PPP4R4: variants seen among roughly 807,000 people sequenced by gnomAD.
The protein encoded by PPP4R4 is protein phosphatase 4 regulatory subunit 4, also known as serine/threonine-protein phosphatase 4 regulatory subunit 4.
Under a neutral mutation model 121.8 loss-of-function variants are expected in PPP4R4, and 70 were observed. The ratio of observed to expected loss-of-function variants is 0.57; its 90% confidence interval spans 0.47 to 0.70. PPP4R4 has a LOEUF of 0.70. PPP4R4 is among the 30% of genes least tolerant of loss of function. The pLI is 0.00. For synonymous variants in PPP4R4, 348 were observed against 355.7 expected (o/e 0.98, Z 0.24); for missense variants, 875 against 1,033.6 (o/e 0.85, Z 2.10).
chr14:94,201,967 T>TAC (rs1178466260), intron 2 of PPP4R4, among the ~76,000 whole-genome samples: 1 of 151,190 alleles, frequency 6.6e-6, no homozygotes, highest in Non-Finnish European at 1.5e-5. Context: ...TACATATATA[T>TAC]ACACACTCAC....
intron 3 of PPP4R4, among the ~76,000 whole-genome samples, chr14:94,222,807 C>A (rs1201388645): frequency 1.3e-5 from 2 of 151,928 alleles, no homozygotes; most frequent in African/African-American, 4.8e-5. Context: ...TTGGAAAATT[C>A]TCAGGTATCT....
chr14:94,224,006 C>T (rs1891556635), intron 3 of PPP4R4, among the ~76,000 whole-genome samples: 1 of 152,126 alleles, frequency 6.6e-6, no homozygotes, highest in African/African-American at 2.4e-5. Context: ...CCTTAATTTA[C>T]ACTTCTAGTT....
intron 14 of PPP4R4, among the ~76,000 whole-genome samples, chr14:94,249,540 C>G (rs1386709226): frequency 6.6e-6 from 1 of 151,964 alleles, no homozygotes; most frequent in African/African-American, 2.4e-5. Flanking sequence ...AGATTTTTCT[C>G]TAATATATGG....
At position 94,279,133 on chromosome 14, in the gene PPP4R4, C is replaced by G. The variant is rs1331167848; in HGVS notation, c.*490C>G. 1 of 152,508 alleles carries G rather than the reference C, an allele frequency of 6.6e-6. No homozygotes were observed. Among genetic ancestry groups the G allele is most frequent in the Non-Finnish European group, 1.5e-5 (1 of 68,040 alleles). The allele number at this position is 152,508 out of a possible 1,614,324, so 9.4% of individuals were successfully genotyped here. A position where few individuals can be genotyped will look rare whatever the true frequency, so the allele number is the denominator to read the frequency against. ...GAGTCTCCAAGCCCACTTGAAAAGT[C>G]ACACTGAAAGGATGCAAATAGCCGT... On this transcript the variant is annotated 3_prime_UTR_variant, in exon 25 of 25. Transcript: ENST00000304338.
In PPP4R4 at chr14:94,256,448, A is replaced by G. The variant is rs775537925; in HGVS notation, c.1866-12A>G. ...TTAACTTCACTCAAGAGTAAATACTATTTTATTGTAGAATGAAACTTTGCT... is the reference window on the plus strand; with the variant it reads ...TTAACTTCACTCAAGAGTAAATACTGTTTTATTGTAGAATGAAACTTTGCT... On this transcript the variant is annotated splice_polypyrimidine_tract_variant and intron_variant, in intron 16 of 24. Transcript: ENST00000304338. 5.1e-6 allele frequency: 8 copies of G among 1,565,224 alleles called. No individual in the cohort carries two copies. The highest frequency in any genetic ancestry group is 2.7e-5 in the African/African-American group (2 of 72,884).
At chr14:94,196,419 T>C (rs962486906) in intron 2 of PPP4R4, among the ~76,000 whole-genome samples, 1 of 150,734 alleles carries the variant, frequency 6.6e-6, no homozygotes, top group African/African-American at 2.4e-5. Context: ...TTCAAGTGAT[T>C]CCTCCTGCCT....
At chr14:94,250,342 T>C (rs1425179825) in intron 15 of PPP4R4, 65 bp downstream of exon 15, 1 of 1,048,358 alleles carries the variant, frequency 9.5e-7, no homozygotes, top group Non-Finnish European at 1.5e-6. Context: ...TTTAGTTATG[T>C]CTAACTTATG....
At chr14:94,236,927 C>G (rs931274940) in intron 7 of PPP4R4, among the ~76,000 whole-genome samples, 1 of 152,174 alleles carries the variant, frequency 6.6e-6, no homozygotes, top group Admixed American at 6.5e-5. Flanking sequence ...AACCACATCA[C>G]AAGGCTCTCC....
At chr14:94,231,505 T>G (rs1447954865) in intron 5 of PPP4R4, among the ~76,000 whole-genome samples, 190 bp downstream of exon 5, 1 of 152,218 alleles carries the variant, frequency 6.6e-6, no homozygotes, top group Non-Finnish European at 1.5e-5. Context: ...AGCTCTGTAC[T>G]TGTCCACTTT....
rs146346131 is a variant in PPP4R4 at position 94,276,577 on chromosome 14, A to G, written c.2597+1056A>G. Among the ~76,000 whole-genome samples the G allele has an allele frequency of 3.1e-4, 47 of 152,240 alleles. No homozygotes were observed. In the East Asian group the frequency reaches 7.9e-3, roughly 26 times the overall value. On this transcript the variant is annotated intron_variant, in intron 24 of 24. Transcript: ENST00000304338. Reference sequence around the variant, plus strand: ...AGAAAGTGGGGTTGGGGGAGGTGCCACACACTTTTAAATGATCAGATCTTG... The same window carrying G: ...AGAAAGTGGGGTTGGGGGAGGTGCCGCACACTTTTAAATGATCAGATCTTG...
intron 2 of PPP4R4, among the ~76,000 whole-genome samples, chr14:94,196,461 T>C (rs1889880959): frequency 6.6e-6 from 1 of 151,446 alleles, no homozygotes; most frequent in East Asian, 1.9e-4. Flanking sequence ...TTACAGATGT[T>C]TGCCACCACA....
chr14:94,224,481 AC>A (rs1458209998), intron 3 of PPP4R4, among the ~76,000 whole-genome samples: 2 of 152,118 alleles, frequency 1.3e-5, no homozygotes, highest in African/African-American at 4.8e-5. Flanking sequence ...GAAATAGACA[AC>A]AAAGCAAAAC....
chr14:94,279,481 T>G lies in PPP4R4; in HGVS notation c.*838T>G, dbSNP rs1419670618. On this transcript the variant is annotated 3_prime_UTR_variant, in exon 25 of 25. Transcript: ENST00000304338. Reference sequence around the variant, plus strand: ...TAATATTTCCATCAAAATTTGCCTGTGGAATATATACAGTTCTTAATTTTA... The same window carrying G: ...TAATATTTCCATCAAAATTTGCCTGGGGAATATATACAGTTCTTAATTTTA... The G allele has an allele frequency of 6.6e-6, 1 of 152,662 alleles. No individual in the cohort carries two copies. The highest frequency in any genetic ancestry group is 1.5e-5 in the Non-Finnish European group (1 of 68,038). The allele number at this position is 152,662 out of a possible 1,614,324, so 9.5% of individuals were successfully genotyped here.
intron 23 of PPP4R4, among the ~76,000 whole-genome samples, chr14:94,273,291 C>G (rs1278951643): frequency 1.3e-5 from 2 of 152,060 alleles, no homozygotes; most frequent in Admixed American, 1.3e-4. Context: ...GAATATTATG[C>G]AGTGCTAAAA....
chr14:94,275,160 A>T (rs1894564639), intron 23 of PPP4R4, among the ~76,000 whole-genome samples: 1 of 152,176 alleles, frequency 6.6e-6, no homozygotes, highest in Admixed American at 6.6e-5. Flanking sequence ...TTTCATAGTG[A>T]TAGACATGTT....
rs766092985 is a variant in PPP4R4, at chr14:94,245,676, C to T, written c.1428+6C>T. On this transcript the variant is annotated splice_donor_region_variant and intron_variant, in intron 13 of 24. Transcript: ENST00000304338. Reference sequence around the variant, plus strand: ...GCAGTGTTCAAGAAAATAAGGTAAACTTCATCTTTCAGAAACATTCTGAGT... The same window carrying T: ...GCAGTGTTCAAGAAAATAAGGTAAATTTCATCTTTCAGAAACATTCTGAGT... The T allele has an allele frequency of 3.8e-6, 6 of 1,558,716 alleles. No individual in the cohort carries two copies. The highest frequency in any genetic ancestry group is 5.3e-6 in the Non-Finnish European group (6 of 1,134,814).
intron 7 of PPP4R4, among the ~76,000 whole-genome samples, chr14:94,236,767 T>A (rs1021282327): frequency 1.3e-5 from 2 of 152,202 alleles, no homozygotes. Context: ...TTGGAGAAAG[T>A]TCTACTTGAC....
intron 3 of PPP4R4, among the ~76,000 whole-genome samples, chr14:94,220,402 A>G (rs540880030): frequency 9.8e-5 from 15 of 152,302 alleles, no homozygotes; most frequent in African/African-American, 3.6e-4. Flanking sequence ...CATTCTAGCC[A>G]GTACAGTAAG....
chr14:94,214,914 T>C (rs542152924), intron 3 of PPP4R4, among the ~76,000 whole-genome samples: 3 of 152,348 alleles, frequency 2.0e-5, no homozygotes, highest in Non-Finnish European at 4.4e-5. Context: ...CACAAAATTA[T>C]TTAAAATATT....
Sources: allele counts gnomAD v4.1 joint callset (sites outside exome capture counted in the v4.1 genomes callset), GRCh38; gene constraint gnomAD v4.1.1; transcripts MANE v1.5; gene names NCBI Gene and HGNC (gene_info 2026-07-23, HGNC 2026-07-21).